Variants in CDCA7L observed in about 807,000 individuals in gnomAD.
CDCA7L encodes the protein cell division cycle-associated 7-like protein.
CDCA7L carries 44 observed loss-of-function variants against 57.4 expected under a neutral mutation model. The observed-to-expected ratio is 0.77, with a 90% CI of 0.60 to 0.98. CDCA7L has a LOEUF of 0.98. Ranked by LOEUF, CDCA7L falls within the 50% of genes least tolerant of loss-of-function variation. The probability of loss-of-function intolerance (pLI) is 0.00; values close to 1 mark genes in which losing one functional copy is unlikely to be tolerated. For missense variants in CDCA7L, 644 were observed against 580.6 expected, an observed-to-expected ratio of 1.11 and a Z score of -1.12; for synonymous variants, 236 against 202.8, an observed-to-expected ratio of 1.16 and a Z score of -1.39.
intron 1 of CDCA7L, chr7:21,944,744 A>T (rs1026659084): frequency 6.6e-6 from 1 of 151,888 alleles, no homozygotes; most frequent in Non-Finnish European, 1.5e-5. Flanking sequence ...GGCGCCGGGC[A>T]CTCTGCGCCT....
chr7:21,920,615 T>A (rs1264473622), intron 1 of CDCA7L, among the ~76,000 whole-genome samples: 1 of 152,142 alleles, frequency 6.6e-6, no homozygotes, highest in Non-Finnish European at 1.5e-5. Flanking sequence ...CCACTAACAA[T>A]TTTTTTACCA....
intron 1 of CDCA7L, among the ~76,000 whole-genome samples, chr7:21,937,935 G>T (rs2128070239): frequency 6.6e-6 from 1 of 152,188 alleles, no homozygotes; most frequent in Non-Finnish European, 1.5e-5. Context: ...ACTCAAGATG[G>T]ATCAAAGATC....
chr7:21,927,614 G>C (rs940396229), intron 1 of CDCA7L, among the ~76,000 whole-genome samples: 2 of 152,132 alleles, frequency 1.3e-5, no homozygotes, highest in Non-Finnish European at 2.9e-5. Flanking sequence ...TATTTGATAC[G>C]ACAGTGGATG....
At chr7:21,921,045 G>C (rs948144213) in intron 1 of CDCA7L, among the ~76,000 whole-genome samples, 2 of 152,184 alleles carry the variant, frequency 1.3e-5, no homozygotes, top group African/African-American at 4.8e-5. Context: ...ACAAGGAATG[G>C]AGAGGGTTGG....
Position 21,901,868 on chromosome 7 carries a change from T to C in CDCA7L, c.*454A>G, listed in dbSNP as rs1403350923. The C allele has an allele frequency of 5.6e-6, 1 of 177,676 alleles. No homozygotes were observed. The highest frequency in any genetic ancestry group is 1.4e-4 in the South Asian group (1 of 7,336). 11.0% of individuals were successfully genotyped at this position (177,676 alleles called of 1,614,324 possible). A position where few individuals can be genotyped will look rare whatever the true frequency, so the allele number is the denominator to read the frequency against. ...CACTTTGTTCAGTGTAAATTTCCAA[T>C]GACCAAGAGCAGGTTAAACGATGTG... On this transcript the variant is annotated 3_prime_UTR_variant, in exon 10 of 10. Coordinates refer to ENST00000406877, the MANE Select transcript of CDCA7L (RefSeq NM_018719.5).
At chr7:21,921,593 C>CTTTT (rs201649581) in intron 1 of CDCA7L, among the ~76,000 whole-genome samples, 3 of 138,942 alleles carry the variant, frequency 2.2e-5, no homozygotes, top group Non-Finnish European at 4.7e-5. Context: ...AATGCAAGAC[C>CTTTT]TTTTTTTTTT....
chr7:21,911,751 C>G lies in CDCA7L; in HGVS notation c.169G>C (p.Asp57His), dbSNP rs779644053. The G allele has an allele frequency of 4.3e-6, 7 of 1,611,296 alleles. No homozygotes were observed. Among genetic ancestry groups the G allele is most frequent in the Middle Eastern group, 1.6e-4 (1 of 6,072 alleles). ...AAGTATTTGGAATGAAAGCGCACAT[C>G]CTGCTAAATTAAAGACACACATACA... ...FDSLESGKQQ[D>H]VRFHSKYFTE... The change falls in exon 3 of 10, where the codon GAT (aspartate) becomes CAT (histidine). Residue 57 changes from aspartate (D) to histidine (H), a missense_variant. Coordinates refer to ENST00000406877, the MANE Select transcript of CDCA7L (RefSeq NM_018719.5).
intron 2 of CDCA7L, among the ~76,000 whole-genome samples, chr7:21,914,160 T>C (rs774958039): frequency 6.6e-6 from 1 of 152,214 alleles, no homozygotes; most frequent in Non-Finnish European, 1.5e-5. Context: ...CAGAGAGCAA[T>C]GGCCTGTTGA....
chr7:21,905,356 G>C, intron 7 of CDCA7L, 150 bp downstream of exon 7: 1 of 800,524 alleles, frequency 1.2e-6, no homozygotes. Context: ...CCCTTTCCCA[G>C]GTACAGCTGA....
chr7:21,902,538 T>C (rs1490742430), intron 9 of CDCA7L, 186 bp from the exon 10 acceptor site: 3 of 613,430 alleles, frequency 4.9e-6, no homozygotes. Context: ...CAAGCATGAC[T>C]TGCCTCACTC....
intron 7 of CDCA7L, 97 bp downstream of exon 7, chr7:21,905,409 G>A: frequency 7.4e-7 from 1 of 1,356,224 alleles, no homozygotes; most frequent in Non-Finnish European, 1.0e-6. Context: ...AGCCCTTGGT[G>A]AGATGGCATA....
chr7:21,945,875 C>T lies in CDCA7L; in HGVS notation c.-71G>A, dbSNP rs549158049. On this transcript the variant is annotated 5_prime_UTR_variant, in exon 1 of 10. Coordinates refer to ENST00000406877, the MANE Select transcript of CDCA7L (RefSeq NM_018719.5). ...AGCCCGGACTCACCACGGCCCGGCG[C>T]ACCAAGAACGCCCCGCGCCCGAGCA... The T allele has an allele frequency of 4.0e-6, 6 of 1,510,792 alleles. No individual in the cohort carries two copies. The highest frequency in any genetic ancestry group is 1.4e-5 in the African/African-American group (1 of 69,054). The allele number at this position is 1,510,792 out of a possible 1,614,324, so 93.6% of individuals were successfully genotyped here.
At chr7:21,923,749 A>T (rs556345706) in intron 1 of CDCA7L, among the ~76,000 whole-genome samples, 1 of 152,318 alleles carries the variant, frequency 6.6e-6, no homozygotes, top group African/African-American at 2.4e-5. Flanking sequence ...CCCATTAGTT[A>T]ACTGATAGTC....
chr7:21,939,576 T>A (rs1786279007), intron 1 of CDCA7L, among the ~76,000 whole-genome samples: 1 of 152,206 alleles, frequency 6.6e-6, no homozygotes, highest in Middle Eastern at 3.2e-3. Context: ...ATAGAACATG[T>A]GAAGCCAATG....
chr7:21,920,360 A>G (rs1002268981), intron 1 of CDCA7L, among the ~76,000 whole-genome samples: 7 of 152,204 alleles, frequency 4.6e-5, no homozygotes, highest in Non-Finnish European at 1.0e-4. Context: ...ACTTAATTTT[A>G]CATTTAGTCA....
intron 1 of CDCA7L, among the ~76,000 whole-genome samples, chr7:21,920,791 C>T (rs1785625975): frequency 6.6e-6 from 1 of 152,202 alleles, no homozygotes; most frequent in Admixed American, 6.5e-5. Flanking sequence ...AAGGAAAACA[C>T]CCAGACTAGA....
At chr7:21,931,410 A>G (rs1194906624) in intron 1 of CDCA7L, among the ~76,000 whole-genome samples, 1 of 152,228 alleles carries the variant, frequency 6.6e-6, no homozygotes, top group Non-Finnish European at 1.5e-5. Context: ...CCAGCAGCAC[A>G]TCAAAAAGCT....
At chr7:21,905,027 T>G (rs1785093396) in intron 7 of CDCA7L, among the ~76,000 whole-genome samples, 1 of 151,916 alleles carries the variant, frequency 6.6e-6, no homozygotes, top group Non-Finnish European at 1.5e-5. Context: ...GCAACTAAAT[T>G]TAAAACTTGA....
intron 1 of CDCA7L, among the ~76,000 whole-genome samples, chr7:21,933,524 A>C (rs983238390): frequency 1.3e-5 from 2 of 152,216 alleles, no homozygotes; most frequent in East Asian, 3.8e-4. Flanking sequence ...GCAGGAAACC[A>C]GCTAAATTAT....
Sources: allele counts gnomAD v4.1 joint callset (sites outside exome capture counted in the v4.1 genomes callset), GRCh38; gene constraint gnomAD v4.1.1; transcripts MANE v1.5; gene names NCBI Gene and HGNC (gene_info 2026-07-23, HGNC 2026-07-21).